The following NCAM2 variants were observed in gnomAD, a reference collection of about 807,000 sequenced individuals.
NCAM2 encodes the protein neural cell adhesion molecule 2.
In NCAM2, 30 loss-of-function variants were observed where a neutral mutation model predicts 98.1. The observed-to-expected ratio is 0.31, with a 90% CI of 0.23 to 0.41. The LOEUF (loss-of-function observed/expected upper bound fraction) is 0.41, where lower values mean the gene tolerates loss of function less well. Ranked by LOEUF, NCAM2 falls within the 10% of genes least tolerant of loss-of-function variation. NCAM2 has a pLI of 1.00. For missense variants in NCAM2, 867 were observed against 1,005.8 expected, an observed-to-expected ratio of 0.86 and a Z score of 1.87; for synonymous variants, 368 against 342.4, an observed-to-expected ratio of 1.07 and a Z score of -0.83.
chr21:21,466,740 C>A lies in NCAM2; in HGVS notation c.1774+15C>A. Reference sequence around the variant, plus strand: ...ATTACCAGTTCGTAAGTAATCATCTCTATTTTTTATTCTCTTTTGTCATTT... The same window carrying A: ...ATTACCAGTTCGTAAGTAATCATCTATATTTTTTATTCTCTTTTGTCATTT... On this transcript the variant is annotated intron_variant, in intron 13 of 17. Transcript: ENST00000400546. The A allele has an allele frequency of 6.3e-7, 1 of 1,588,624 alleles. No homozygotes were observed. The highest frequency in any genetic ancestry group is 8.6e-7 in the Non-Finnish European group (1 of 1,168,614).
At chr21:21,410,593 C>T in intron 10 of NCAM2, 132 bp downstream of exon 10, 2 of 483,326 alleles carry the variant, frequency 4.1e-6, no homozygotes. Context: ...ATATATTTTA[C>T]AGTTATTTAC....
chr21:21,241,399 A>G (rs1380400553), intron 1 of NCAM2, among the ~76,000 whole-genome samples: 1 of 152,136 alleles, frequency 6.6e-6, no homozygotes, highest in Admixed American at 6.6e-5. Context: ...ATTAAATTCT[A>G]AGTTCTCCTT....
chr21:21,455,364 A>T (rs1021578966), intron 12 of NCAM2, among the ~76,000 whole-genome samples: 6 of 152,036 alleles, frequency 3.9e-5, no homozygotes, highest in Admixed American at 3.3e-4. Context: ...TTTAATTTAG[A>T]AATACTCATT....
chr21:21,393,285 A>G (rs528434188), intron 9 of NCAM2, among the ~76,000 whole-genome samples: 5 of 152,056 alleles, frequency 3.3e-5, no homozygotes, highest in East Asian at 1.9e-4. Flanking sequence ...TGAGTTCCCA[A>G]TTCTGCTCCA....
intron 1 of NCAM2, among the ~76,000 whole-genome samples, chr21:21,200,412 A>G (rs1262761911): frequency 3.3e-5 from 5 of 151,444 alleles, no homozygotes; most frequent in Non-Finnish European, 2.9e-5. Flanking sequence ...CATGCCTGAA[A>G]AAAAAAAAAA....
chr21:21,347,824 A>G lies in NCAM2; in HGVS notation c.1044+9290A>G, dbSNP rs562633247. Among the ~76,000 whole-genome samples the G allele has an allele frequency of 2.6e-5, 4 of 152,190 alleles. No individual in the cohort carries two copies. In the East Asian group the frequency reaches 5.8e-4, roughly 22 times the overall value. ...TTCCTTGGGTCAACATATAAAATCAATGTGATACATCATATCAACAAAGTG... is the reference window on the plus strand; with the variant it reads ...TTCCTTGGGTCAACATATAAAATCAGTGTGATACATCATATCAACAAAGTG... On this transcript the variant is annotated intron_variant, in intron 8 of 17. Transcript: ENST00000400546.
chr21:21,429,274 G>A (rs990642933), intron 11 of NCAM2, among the ~76,000 whole-genome samples: 8 of 152,178 alleles, frequency 5.3e-5, no homozygotes, highest in African/African-American at 1.9e-4. Flanking sequence ...TTTCTCTGCA[G>A]GTGCACCATG....
chr21:21,258,116 A>T (rs1025586685), intron 1 of NCAM2, among the ~76,000 whole-genome samples: 1 of 152,222 alleles, frequency 6.6e-6, no homozygotes, highest in Non-Finnish European at 1.5e-5. Context: ...CATTATCTGG[A>T]AAAACAACTT....
intron 5 of NCAM2, among the ~76,000 whole-genome samples, chr21:21,311,638 G>A (rs1299045316): frequency 1.3e-5 from 2 of 152,100 alleles, no homozygotes; most frequent in East Asian, 1.9e-4. Context: ...ACTGCGCCCG[G>A]CCCATGGTAT....
chr21:21,081,116 G>A (rs978977851), intron 1 of NCAM2, among the ~76,000 whole-genome samples: 4 of 152,100 alleles, frequency 2.6e-5, no homozygotes, highest in Admixed American at 6.5e-5. Flanking sequence ...GCCTGCTTGC[G>A]CTTGGGAGGG....
intron 1 of NCAM2, among the ~76,000 whole-genome samples, chr21:21,000,513 T>C (rs2063999649): frequency 6.6e-6 from 1 of 152,078 alleles, no homozygotes; most frequent in Admixed American, 6.5e-5. Context: ...ACATGTAACA[T>C]AGATGTGAAA....
At chr21:21,419,825 G>A (rs767664927) in intron 11 of NCAM2, among the ~76,000 whole-genome samples, 4 of 152,050 alleles carry the variant, frequency 2.6e-5, no homozygotes, top group Admixed American at 6.6e-5. Flanking sequence ...AAACATACGC[G>A]TGCATGTGTC....
At position 21,509,005 on chromosome 21, in the gene NCAM2, T is replaced by G; in HGVS notation, c.2232T>G (p.Ser744Arg). 5 of 1,613,584 alleles carry G rather than the reference T, an allele frequency of 3.1e-6. No individual in the cohort carries two copies. The highest frequency in any genetic ancestry group is 4.2e-6 in the Non-Finnish European group (5 of 1,179,774). ...CITRRMCGKK[S>R]GSSGKSKELE... ...CTAGGAGAATGTGTGGAAAGAAAAGTGGCTCCAGTGGCAAAAGTAAAGAAC... is the reference window on the plus strand; with the variant it reads ...CTAGGAGAATGTGTGGAAAGAAAAGGGGCTCCAGTGGCAAAAGTAAAGAAC... Residue 744 changes from serine (S) to arginine (R), a missense_variant, in exon 16 of 18, where the codon AGT becomes AGG. By Grantham distance (110) the Ser-to-Arg change is moderately radical. Coordinates refer to ENST00000400546, the MANE Select transcript of NCAM2 (RefSeq NM_004540.5).
intron 1 of NCAM2, among the ~76,000 whole-genome samples, chr21:21,229,486 T>C (rs1161441373): frequency 6.6e-6 from 1 of 151,604 alleles, no homozygotes; most frequent in Admixed American, 6.6e-5. Context: ...CATTTGCAGA[T>C]ACTTTGCATA....
At chr21:21,285,212 T>C (rs771012421) in intron 3 of NCAM2, among the ~76,000 whole-genome samples, 30 of 152,042 alleles carry the variant, frequency 2.0e-4, no homozygotes, top group Non-Finnish European at 4.1e-4. Flanking sequence ...GTAGTTAGCA[T>C]TTCTACCAAT....
chr21:21,325,358 C>G (rs1345771450), intron 6 of NCAM2, among the ~76,000 whole-genome samples: 1 of 152,232 alleles, frequency 6.6e-6, no homozygotes, highest in Non-Finnish European at 1.5e-5. Context: ...CAATTGAAAT[C>G]CCAAACTAAC....
chr21:21,073,235 T>C (rs1297612784), intron 1 of NCAM2, among the ~76,000 whole-genome samples: 1 of 152,218 alleles, frequency 6.6e-6, no homozygotes, highest in East Asian at 1.9e-4. Context: ...TGGACACACT[T>C]ATAAATGCTA....
At chr21:21,021,576 A>T (rs2064437796) in intron 1 of NCAM2, among the ~76,000 whole-genome samples, 1 of 152,188 alleles carries the variant, frequency 6.6e-6, no homozygotes. Context: ...AACTAGAAGG[A>T]TTGATTTGAT....
intron 11 of NCAM2, among the ~76,000 whole-genome samples, chr21:21,420,398 T>G (rs1254046495): frequency 6.6e-6 from 1 of 151,996 alleles, no homozygotes; most frequent in Non-Finnish European, 1.5e-5. Context: ...AAAATACATT[T>G]TAAAAAATAG....
Sources: gnomAD v4.1 joint callset for allele counts (sites outside exome capture counted in the v4.1 genomes callset) on GRCh38, gnomAD v4.1.1 for gene constraint, MANE v1.5 for transcripts, NCBI Gene and HGNC (gene_info 2026-07-23, HGNC 2026-07-21) for gene names.